PCDHGA4: variants seen among roughly 807,000 people sequenced by gnomAD.
PCDHGA4 encodes the protein protocadherin gamma subfamily A, 4, also known as protocadherin gamma-A4.
PCDHGA4 carries 38 observed loss-of-function variants against 54.6 expected under a neutral mutation model. The ratio of observed to expected loss-of-function variants is 0.70; its 90% CI spans 0.54 to 0.91. The LOEUF is 0.91. PCDHGA4 is among the 40% of genes least tolerant of loss of function. The pLI is 0.00. For missense variants in PCDHGA4, 1,298 were observed against 1,220.9 expected (o/e 1.06, Z -0.94); for synonymous variants, 511 against 512.9 (o/e 1.00, Z 0.05).
chr5:141,382,887 A>T (rs1778529404), intron 1 of PCDHGA4: 1 of 1,530,424 alleles, frequency 6.5e-7, no homozygotes, highest in Non-Finnish European at 8.8e-7. Context: ...TAAGCAAGAG[A>T]AGCAGGACGA....
At position 141,477,460 on chromosome 5, in the gene PCDHGA4, C is replaced by T; in HGVS notation, c.2515-17347C>T. 6.2e-7 allele frequency: 1 copy of T among 1,614,132 alleles called. No individual in the cohort carries two copies. Among genetic ancestry groups the T allele is most frequent in the Non-Finnish European group, 8.5e-7 (1 of 1,180,020 alleles). On this transcript the variant is annotated intron_variant, in intron 1 of 3. Transcript: ENST00000571252. The surrounding 1 kb of genome is among the most constrained non-coding windows in gnomAD (Gnocchi z 4.9). ...TTACAATAGTGCGTGTTCAAGTGTC[C>T]GACATCAATGACAACCCTCCACAAT...
rs191844335 is a variant in PCDHGA4 at position 141,394,289 on chromosome 5, C to A, written c.2514+36668C>A. ...ATGCCCAGGTCACTTACTCTGTGAC[C>A]GAGGACACGCTGCAGGGGGCGCCCC... On this transcript the variant is annotated intron_variant, in intron 1 of 3. Coordinates refer to ENST00000571252, the MANE Select transcript of PCDHGA4 (RefSeq NM_018917.4). The A allele has an allele frequency of 3.8e-5, 61 of 1,613,954 alleles. 1 individual carries two copies. In the African/African-American group the frequency reaches 6.0e-4, roughly 16 times the overall value.
intron 1 of PCDHGA4, among the ~76,000 whole-genome samples, chr5:141,494,529 G>C (rs952931724): frequency 1.3e-5 from 2 of 152,132 alleles, no homozygotes; most frequent in African/African-American, 4.8e-5. Flanking sequence ...TCTGACTCTG[G>C]GGGCAGGGAG....
intron 1 of PCDHGA4, among the ~76,000 whole-genome samples, chr5:141,443,654 G>A (rs2098397947): frequency 6.6e-6 from 1 of 152,150 alleles, no homozygotes; most frequent in Non-Finnish European, 1.5e-5. Context: ...TGTTAGCATA[G>A]CATTTTACTG....
At chr5:141,446,461 A>G (rs1273508266) in intron 1 of PCDHGA4, among the ~76,000 whole-genome samples, 1 of 151,298 alleles carries the variant, frequency 6.6e-6, no homozygotes, top group Non-Finnish European at 1.5e-5. Flanking sequence ...TCAGTGTGTG[A>G]TTAGACATAT....
intron 1 of PCDHGA4, chr5:141,382,935 A>G: frequency 6.3e-7 from 1 of 1,589,148 alleles, no homozygotes; most frequent in Admixed American, 1.7e-5. Flanking sequence ...ACTACAGAGG[A>G]TTCTTCCTGC....
chr5:141,487,033 A>T lies in PCDHGA4; in HGVS notation c.2515-7774A>T, dbSNP rs1465525110. ...AGGCCCCAGATCCCAGCCTGTTTGC[A>T]GTCTCTCGATATGCTGGGGAGGTGC... On this transcript the variant is annotated intron_variant, in intron 1 of 3. Coordinates refer to ENST00000571252, the MANE Select transcript of PCDHGA4 (RefSeq NM_018917.4). This position sits in a 1 kb window ranked among gnomAD's most constrained non-coding sequence, Gnocchi z 5.0. The T allele has an allele frequency of 6.2e-7, 1 of 1,614,042 alleles. No homozygotes were observed. The highest frequency in any genetic ancestry group is 8.5e-7 in the Non-Finnish European group (1 of 1,180,040).
Position 141,356,960 on chromosome 5 carries a change from T to G in PCDHGA4, c.1853T>G (p.Leu618Arg). 1 of 1,614,210 alleles carries G rather than the reference T, an allele frequency of 6.2e-7. No individual in the cohort carries two copies. Among genetic ancestry groups the G allele is most frequent in the Non-Finnish European group, 8.5e-7 (1 of 1,180,034 alleles). Residue 618 changes from leucine (L) to arginine (R), a missense_variant, in exon 1 of 4, where the codon CTG (leucine) becomes CGG (arginine). Transcript: ENST00000571252. ...LAPRSADSGY[L>R]VTKVVAVDRD... is the part of the protein sequence containing the mutation. ...CCCCGCTCCGCAGATTCCGGCTACCTGGTGACCAAAGTGGTGGCAGTGGAC... is the reference window on the plus strand; with the variant it reads ...CCCCGCTCCGCAGATTCCGGCTACCGGGTGACCAAAGTGGTGGCAGTGGAC...
chr5:141,479,021 T>C (rs72790064), intron 1 of PCDHGA4, among the ~76,000 whole-genome samples: 1,892 of 152,352 alleles, frequency 0.012, 20 homozygotes, highest in Non-Finnish European at 0.018. Context: ...TAATTTTCCT[T>C]TGTTTATACA....
chr5:141,447,235 G>T (rs1458489257), intron 1 of PCDHGA4, among the ~76,000 whole-genome samples: 1 of 152,084 alleles, frequency 6.6e-6, no homozygotes, highest in Non-Finnish European at 1.5e-5. Flanking sequence ...CGCCTCCCGG[G>T]TTCAAGTGAT....
chr5:141,401,171 G>T (rs1222326375), intron 1 of PCDHGA4, among the ~76,000 whole-genome samples: 1 of 152,054 alleles, frequency 6.6e-6, no homozygotes, highest in African/African-American at 2.4e-5. Flanking sequence ...GTGAAAACCC[G>T]TCTCTACTAA....
chr5:141,465,893 C>A (rs926928579), intron 1 of PCDHGA4, among the ~76,000 whole-genome samples: 1 of 151,962 alleles, frequency 6.6e-6, no homozygotes, highest in Non-Finnish European at 1.5e-5. Context: ...GAGGCCGAGG[C>A]GGGCAAATCA....
chr5:141,483,350 G>C (rs2099580423), intron 1 of PCDHGA4, among the ~76,000 whole-genome samples: 4 of 152,172 alleles, frequency 2.6e-5, no homozygotes, highest in Admixed American at 1.3e-4. Flanking sequence ...CTTTGCAATA[G>C]TTTGAAAGCT....
chr5:141,392,841 C>T (rs1464167244), intron 1 of PCDHGA4: 3 of 1,608,800 alleles, frequency 1.9e-6, no homozygotes, highest in Non-Finnish European at 8.5e-7. Flanking sequence ...TCGCCCCAGA[C>T]GCGGCGAGCT....
At position 141,356,962 on chromosome 5, in the gene PCDHGA4, G is replaced by A; in HGVS notation, c.1855G>A (p.Val619Met). 1 of 1,614,224 alleles carries A rather than the reference G, an allele frequency of 6.2e-7. No homozygotes were observed. Among genetic ancestry groups the A allele is most frequent in the Non-Finnish European group, 8.5e-7 (1 of 1,180,034 alleles). ...CCGCTCCGCAGATTCCGGCTACCTG[G>A]TGACCAAAGTGGTGGCAGTGGACAG... Reference protein sequence around the residue: ...APRSADSGYLVTKVVAVDRDS... With the variant: ...APRSADSGYLMTKVVAVDRDS... The change falls in exon 1 of 4, where the codon GTG (valine) becomes ATG (methionine). Residue 619 changes from valine to methionine, a missense_variant. By Grantham distance (21) the Val-to-Met change is conservative. Coordinates refer to ENST00000571252, the MANE Select transcript of PCDHGA4 (RefSeq NM_018917.4).
chr5:141,403,007 C>T (rs774624797), intron 1 of PCDHGA4: 10 of 1,613,940 alleles, frequency 6.2e-6, no homozygotes, highest in Non-Finnish European at 8.5e-6. Context: ...GCTATGCTCG[C>T]TCCTGGGGAT....
In PCDHGA4 at chr5:141,394,244, C is replaced by T. The variant is rs371631729; in HGVS notation, c.2514+36623C>T. On this transcript the variant is annotated intron_variant, in intron 1 of 3. Coordinates refer to ENST00000571252, the MANE Select transcript of PCDHGA4 (RefSeq NM_018917.4). ...CCTCCATCTTTTCCTTGACTGCACA[C>T]GACCCCGACAGCCAGGAGAATGCCC... The T allele has an allele frequency of 1.5e-5, 25 of 1,613,938 alleles. No homozygotes were observed. In the African/African-American group the frequency reaches 2.3e-4, roughly 15 times the overall value.
chr5:141,419,591 G>A lies in PCDHGA4; in HGVS notation c.2514+61970G>A, dbSNP rs574335266. The A allele has an allele frequency of 2.2e-5, 35 of 1,611,826 alleles. No individual in the cohort carries two copies. The African/African-American group carries it at 4.0e-4, about 18-fold the overall frequency. On this transcript the variant is annotated intron_variant, in intron 1 of 3. Coordinates refer to ENST00000571252, the MANE Select transcript of PCDHGA4 (RefSeq NM_018917.4). ...CGACGGCTCCGCGCTCTTCGACACA[G>A]TGCCGCGGGCCGCGCAGCCAGGCTA...
rs551330964 is a variant in PCDHGA4, at chr5:141,388,155, G to T, written c.2514+30534G>T. On this transcript the variant is annotated intron_variant, in intron 1 of 3. Coordinates refer to ENST00000571252, the MANE Select transcript of PCDHGA4 (RefSeq NM_018917.4). ...GGAGTTGCTTGTGAGCAGCAGGCTA[G>T]ACAGGGAGGAGATATGCGGGAAGAA... is the stretch of plus-strand genomic sequence containing the variant. The T allele has an allele frequency of 1.2e-5, 18 of 1,469,902 alleles. No homozygotes were observed. The African/African-American group carries it at 2.5e-4, about 21-fold the overall frequency. 91.1% of individuals were successfully genotyped at this position (1,469,902 alleles called of 1,614,324 possible). A position where few individuals can be genotyped will look rare whatever the true frequency, so the allele number is the denominator to read the frequency against.
Sources: gnomAD v4.1 joint callset for allele counts (sites outside exome capture counted in the v4.1 genomes callset) on GRCh38, gnomAD v4.1.1 for gene constraint, Gnocchi (gnomAD v3.1) non-coding constraint, MANE v1.5 for transcripts, NCBI Gene and HGNC (gene_info 2026-07-23, HGNC 2026-07-21) for gene names.